The following TADA2B variants were observed in gnomAD, a reference collection of about 807,000 sequenced individuals.
TADA2B encodes transcriptional adaptor 2B.
TADA2B carries 13 observed loss-of-function variants against 34.5 expected under a neutral mutation model. The observed-to-expected ratio is 0.38, with a 90% confidence interval of 0.25 to 0.60. The LOEUF (loss-of-function observed/expected upper bound fraction) is 0.60, where lower values mean the gene tolerates loss of function less well. TADA2B is among the 20% of genes least tolerant of loss of function. TADA2B has a pLI of 0.65. For synonymous variants in TADA2B, 240 were observed against 243.4 expected, an observed-to-expected ratio of 0.99 and a Z score of 0.13; for missense variants, 442 against 575.0, an observed-to-expected ratio of 0.77 and a Z score of 2.37.
At chr4:7,045,225 A>G (rs915661218) in intron 1 of TADA2B, 4 of 152,574 alleles carry the variant, frequency 2.6e-5, no homozygotes, top group African/African-American at 9.7e-5. Context: ...TCCCTGGCCT[A>G]CCTGCCTCTC....
chr4:7,048,927 C>T lies in TADA2B; in HGVS notation c.270+5078C>T, dbSNP rs566612135. 9.9e-4 allele frequency among the ~76,000 whole-genome samples: 151 copies of T among 152,342 alleles called. 2 individuals carry two copies. The highest frequency in any genetic ancestry group is 2.9e-4 in the Non-Finnish European group (20 of 68,044). On this transcript the variant is annotated intron_variant, in intron 1 of 1. Transcript: ENST00000310074. ...CCTTCCTTTCATGGCTGAACAATCC[C>T]TTGTCATCTGTGTGGCATAATGTGT...
chr4:7,046,440 A>G (rs1450736107), intron 1 of TADA2B, among the ~76,000 whole-genome samples: 1 of 152,150 alleles, frequency 6.6e-6, no homozygotes, highest in Non-Finnish European at 1.5e-5. Flanking sequence ...TCTTATTCTT[A>G]CAGTTGAAGA....
Position 7,054,657 on chromosome 4 carries a change from G to A in TADA2B, c.866G>A (p.Arg289Gln), listed in dbSNP as rs1723847656. The change falls in exon 2 of 2, where the codon CGA becomes CAA. Residue 289 changes from arginine (R) to glutamine (Q), a missense_variant. Physicochemically the swap from Arg to Gln is conservative, Grantham distance 43. This residue lies in a region of TADA2B where 222 missense variants were observed against 235.2 expected (regional missense o/e 0.94). Transcript: ENST00000310074. ...GAAAAAATGCTCCGGGCCAAGATCC[G>A]AGAACTGCAGCGGTACCGGCGAAAC... ...HKEKMLRAKIRELQRYRRNGI... is the reference protein window; with the variant it reads ...HKEKMLRAKIQELQRYRRNGI... 5 of 1,613,766 alleles carry A rather than the reference G, an allele frequency of 3.1e-6. No homozygotes were observed. The highest frequency in any genetic ancestry group is 1.3e-5 in the African/African-American group (1 of 74,904).
chr4:7,051,300 C>T (rs1319471411), intron 1 of TADA2B, among the ~76,000 whole-genome samples: 7 of 152,180 alleles, frequency 4.6e-5, no homozygotes, highest in Admixed American at 1.3e-4. Flanking sequence ...GCTGTGGCCG[C>T]ACCTGCCTCC....
rs1327735331 is a variant in TADA2B at position 7,043,529 on chromosome 4, G to GGGGGCGCGGCGGCTGCGGC, written c.-47_-29dup. 4 of 1,060,698 alleles carry GGGGGCGCGGCGGCTGCGGC rather than the reference G, an allele frequency of 3.8e-6. No individual in the cohort carries two copies. The East Asian group carries it at 2.3e-4, about 60-fold the overall frequency. The allele number at this position is 1,060,698 out of a possible 1,614,324, so 65.7% of individuals were successfully genotyped here. ...CGCGGGCGGCGGGGCGCTGACGGCC[G>GGGGGCGCGGCGGCTGCGGC]GGGGCGCGGCGGCTGCGGCGGGCCG... On this transcript the variant is annotated 5_prime_UTR_variant, in exon 1 of 2. Transcript: ENST00000310074.
At position 7,043,446 on chromosome 4, in the gene TADA2B, TGGCGGCAGCCGCGGCGGCGGGC is replaced by T; in HGVS notation, c.-128_-107del. 1 of 291,068 alleles carries T rather than the reference TGGCGGCAGCCGCGGCGGCGGGC, an allele frequency of 3.4e-6. No homozygotes were observed. Among genetic ancestry groups the T allele is most frequent in the African/African-American group, 2.5e-5 (1 of 40,428 alleles). 18.0% of individuals were successfully genotyped at this position (291,068 alleles called of 1,614,324 possible). A position where few individuals can be genotyped will look rare whatever the true frequency, so the allele number is the denominator to read the frequency against. ...GGCGGCGGCTGGGCTGGGGCCGCGG[TGGCGGCAGCCGCGGCGGCGGGC>T]GGCGGTTGCTCGTGCGCGGCGGCGG... On this transcript the variant is annotated 5_prime_UTR_variant, in exon 1 of 2. Coordinates refer to ENST00000310074, the MANE Select transcript of TADA2B (RefSeq NM_152293.3).
At chr4:7,050,342 T>A (rs149711209) in intron 1 of TADA2B, among the ~76,000 whole-genome samples, 2 of 152,226 alleles carry the variant, frequency 1.3e-5, no homozygotes, top group East Asian at 3.9e-4. Flanking sequence ...CCTTGAGAGC[T>A]CTGCCCGCTG....
intron 1 of TADA2B, among the ~76,000 whole-genome samples, chr4:7,047,533 C>T (rs1445488200): frequency 6.6e-6 from 1 of 152,224 alleles, no homozygotes; most frequent in Non-Finnish European, 1.5e-5. Flanking sequence ...CTGCCTTGTG[C>T]GTGCATTCAT....
Position 7,055,356 on chromosome 4 carries a change from G to A in TADA2B, c.*302G>A, listed in dbSNP as rs947406606. ...GTGAGATTGGATCATTTCCTTTTGA[G>A]TGTTCTTCTCTTTGGTACAAAAGCT... On this transcript the variant is annotated 3_prime_UTR_variant, in exon 2 of 2. Transcript: ENST00000310074. 2.8e-5 allele frequency: 8 copies of A among 285,440 alleles called. No homozygotes were observed. The East Asian group carries it at 5.8e-4, about 21-fold the overall frequency. 17.7% of individuals were successfully genotyped at this position (285,440 alleles called of 1,614,324 possible). A position where few individuals can be genotyped will look rare whatever the true frequency, so the allele number is the denominator to read the frequency against.
chr4:7,044,694 A>G (rs1021863316), intron 1 of TADA2B, among the ~76,000 whole-genome samples: 7 of 152,060 alleles, frequency 4.6e-5, no homozygotes, highest in African/African-American at 1.7e-4. Flanking sequence ...CATAACCACC[A>G]AAGACATGTG....
At chr4:7,045,341 C>T (rs932582131) in intron 1 of TADA2B, among the ~76,000 whole-genome samples, 6 of 152,346 alleles carry the variant, frequency 3.9e-5, no homozygotes, top group African/African-American at 1.2e-4. Context: ...CTGATGTTTA[C>T]GTTTACTTCT....
At chr4:7,051,857 A>G (rs1723778177) in intron 1 of TADA2B, among the ~76,000 whole-genome samples, 2 of 152,202 alleles carry the variant, frequency 1.3e-5, no homozygotes, top group Non-Finnish European at 2.9e-5. Context: ...TCGGCCTCCC[A>G]AAGTGTTGGG....
chr4:7,047,014 A>G (rs1723647510), intron 1 of TADA2B, among the ~76,000 whole-genome samples: 1 of 152,062 alleles, frequency 6.6e-6, no homozygotes, highest in African/African-American at 2.4e-5. Context: ...GAACAGGTTA[A>G]AGGACCTTGG....
chr4:7,046,417 C>G (rs900238562), intron 1 of TADA2B, among the ~76,000 whole-genome samples: 4 of 152,150 alleles, frequency 2.6e-5, no homozygotes, highest in Non-Finnish European at 1.5e-5. Flanking sequence ...CCTAGCAACC[C>G]TCGGGGGTGG....
chr4:7,048,226 G>A (rs772779315), intron 1 of TADA2B, among the ~76,000 whole-genome samples: 5 of 152,208 alleles, frequency 3.3e-5, no homozygotes, highest in East Asian at 1.9e-4. Flanking sequence ...TACCTTCCCC[G>A]CCGGGGCAGG....
At chr4:7,046,509 A>G (rs1723634477) in intron 1 of TADA2B, among the ~76,000 whole-genome samples, 1 of 152,224 alleles carries the variant, frequency 6.6e-6, no homozygotes, top group East Asian at 1.9e-4. Context: ...CATGTGATAG[A>G]GCCAGGAATG....
chr4:7,052,004 A>G lies in TADA2B; in HGVS notation c.271-2058A>G, dbSNP rs189916448. 2.3e-3 allele frequency among the ~76,000 whole-genome samples: 345 copies of G among 152,170 alleles called. 3 individuals carry two copies. The highest frequency in any genetic ancestry group is 8.0e-3 in the African/African-American group (331 of 41,508). ...GGCCAATGCCAGGGGGGCCCCACTG[A>G]CTCACCTTGTGACCTTGGGTAAGCA... On this transcript the variant is annotated intron_variant, in intron 1 of 1. Coordinates refer to ENST00000310074, the MANE Select transcript of TADA2B (RefSeq NM_152293.3).
intron 1 of TADA2B, among the ~76,000 whole-genome samples, chr4:7,046,896 T>TG (rs1198999858): frequency 2.0e-5 from 3 of 151,952 alleles, no homozygotes. Flanking sequence ...GGCTGGGGGA[T>TG]GGGGCCTGAA....
At chr4:7,053,958 G>A in intron 1 of TADA2B, 104 bp from the exon 2 acceptor site, 1 of 1,330,944 alleles carries the variant, frequency 7.5e-7, no homozygotes, top group South Asian at 1.5e-5. Flanking sequence ...GGTGCTGTAG[G>A]AAGTACTCTA....
Sources: allele counts gnomAD v4.1 joint callset (sites outside exome capture counted in the v4.1 genomes callset), GRCh38; gene constraint gnomAD v4.1.1; regional missense constraint gnomAD v4.1.1; transcripts MANE v1.5; gene names NCBI Gene and HGNC (gene_info 2026-07-23, HGNC 2026-07-21).